NKAIN2: variants seen among roughly 807,000 people sequenced by gnomAD.
The protein encoded by NKAIN2 is sodium/potassium-transporting ATPase subunit beta-1-interacting protein 2.
Under a neutral mutation model 32.6 loss-of-function variants are expected in NKAIN2, and 14 were observed. The observed-to-expected ratio is 0.43, with a 90% confidence interval of 0.28 to 0.67. The LOEUF (loss-of-function observed/expected upper bound fraction) is 0.67. Ranked by LOEUF, NKAIN2 falls within the 30% of genes least tolerant of loss-of-function variation. The pLI is 0.17. For missense variants in NKAIN2, 198 were observed against 258.3 expected (o/e 0.77, Z 1.60); for synonymous variants, 80 against 87.2 (o/e 0.92, Z 0.46).
intron 1 of NKAIN2, among the ~76,000 whole-genome samples, chr6:124,120,431 A>T (rs73566063): frequency 0.046 from 7,063 of 152,224 alleles, 557 homozygotes; most frequent in African/African-American, 0.16. Context: ...ATTTATTGAA[A>T]ACTTATAGGC....
rs1778042747 is a variant in NKAIN2, at chr6:124,495,840, C to T, written c.273+140493C>T. 2.0e-5 allele frequency among the ~76,000 whole-genome samples: 3 copies of T among 152,216 alleles called. No individual in the cohort carries two copies. In the South Asian group the frequency reaches 6.2e-4, roughly 32 times the overall value. On this transcript the variant is annotated intron_variant, in intron 3 of 6. Transcript: ENST00000368417. ...AGGGGTAGAGCCAACCCATAGATGACTTCAGCAGTGACATTCTAGCACATT... is the reference window on the plus strand; with the variant it reads ...AGGGGTAGAGCCAACCCATAGATGATTTCAGCAGTGACATTCTAGCACATT...
At chr6:124,806,237 G>C (rs1011727133) in intron 5 of NKAIN2, among the ~76,000 whole-genome samples, 1 of 152,162 alleles carries the variant, frequency 6.6e-6, no homozygotes, top group African/African-American at 2.4e-5. Flanking sequence ...GGCAGCCAGA[G>C]AGAAAGATCG....
chr6:124,477,653 C>G (rs1383743803), intron 3 of NKAIN2, among the ~76,000 whole-genome samples: 1 of 148,704 alleles, frequency 6.7e-6, no homozygotes, highest in African/African-American at 2.5e-5. Context: ...CCTCCCACTT[C>G]CTCTTATCCT....
At chr6:124,658,841 C>T in intron 4 of NKAIN2, 1 of 188,344 alleles carries the variant, frequency 5.3e-6, no homozygotes, top group Non-Finnish European at 1.1e-5. Flanking sequence ...TCCTAGATTT[C>T]TCCCAGGCAC....
chr6:124,656,404 A>G (rs185358286), intron 3 of NKAIN2, among the ~76,000 whole-genome samples: 2 of 151,846 alleles, frequency 1.3e-5, no homozygotes, highest in Non-Finnish European at 2.9e-5. Flanking sequence ...GATCTTTACT[A>G]ACTAACCCCA....
At chr6:124,323,493 G>T (rs1368367278) in intron 2 of NKAIN2, among the ~76,000 whole-genome samples, 2 of 152,044 alleles carry the variant, frequency 1.3e-5, no homozygotes, top group Non-Finnish European at 2.9e-5. Flanking sequence ...TTAGGTCAAG[G>T]CTCATTTACT....
intron 1 of NKAIN2, among the ~76,000 whole-genome samples, chr6:124,001,188 A>T (rs1345402632): frequency 6.6e-6 from 1 of 151,778 alleles, no homozygotes; most frequent in African/African-American, 2.4e-5. Flanking sequence ...GAGTGACTTT[A>T]GTTTGTAAAC....
At chr6:124,135,216 G>GA (rs35216364) in intron 1 of NKAIN2, among the ~76,000 whole-genome samples, 361 of 148,978 alleles carry the variant, frequency 2.4e-3, no homozygotes, top group Non-Finnish European at 3.2e-3. Flanking sequence ...ATTACACAAT[G>GA]AAAAAAAAAA....
intron 1 of NKAIN2, among the ~76,000 whole-genome samples, chr6:124,071,701 G>A (rs1345753616): frequency 2.6e-5 from 4 of 152,042 alleles, no homozygotes; most frequent in Non-Finnish European, 5.9e-5. Context: ...AGATATACTA[G>A]CGGCCAACAA....
chr6:123,938,451 T>TACATACAC (rs1334527287), intron 1 of NKAIN2, among the ~76,000 whole-genome samples: 18 of 81,330 alleles, frequency 2.2e-4, no homozygotes, highest in African/African-American at 1.2e-3. Context: ...TATATATATA[T>TACATACAC]ACACACACAC....
At chr6:124,727,444 A>G (rs896744792) in intron 4 of NKAIN2, among the ~76,000 whole-genome samples, 1 of 150,258 alleles carries the variant, frequency 6.7e-6, no homozygotes, top group African/African-American at 2.4e-5. Flanking sequence ...AGAATTTCAT[A>G]TCCAGCCAAA....
intron 3 of NKAIN2, among the ~76,000 whole-genome samples, chr6:124,564,725 G>A (rs1291785519): frequency 6.6e-6 from 1 of 152,192 alleles, no homozygotes; most frequent in Non-Finnish European, 1.5e-5. Context: ...AGGGCAGGAG[G>A]CTGTAAAAGA....
At position 124,231,325 on chromosome 6, in the gene NKAIN2, T is replaced by A. The variant is rs567138578; in HGVS notation, c.55-51680T>A. Reference sequence around the variant, plus strand: ...GGCTCATAGGCGGAGGAAGGGACTTTCCTTGTCTCAGATAAGACTTTAGAC... The same window carrying A: ...GGCTCATAGGCGGAGGAAGGGACTTACCTTGTCTCAGATAAGACTTTAGAC... On this transcript the variant is annotated intron_variant, in intron 1 of 6. Transcript: ENST00000368417. Among the ~76,000 whole-genome samples the A allele has an allele frequency of 2.4e-4, 37 of 152,326 alleles. No individual in the cohort carries two copies. In the South Asian group the frequency reaches 6.8e-3, roughly 28 times the overall value.
At chr6:124,701,104 T>C (rs1445220853) in intron 4 of NKAIN2, among the ~76,000 whole-genome samples, 1 of 140,354 alleles carries the variant, frequency 7.1e-6, no homozygotes, top group African/African-American at 2.7e-5. Flanking sequence ...ATTTTTGGCA[T>C]AAAAATTCTA....
intron 1 of NKAIN2, among the ~76,000 whole-genome samples, chr6:123,842,337 G>A (rs1365295066): frequency 1.3e-5 from 2 of 152,116 alleles, no homozygotes; most frequent in African/African-American, 2.4e-5. Flanking sequence ...TTCCTGGCTT[G>A]TAGATGGGCA....
At chr6:124,394,668 A>C (rs912890937) in intron 3 of NKAIN2, among the ~76,000 whole-genome samples, 4 of 151,498 alleles carry the variant, frequency 2.6e-5, no homozygotes, top group African/African-American at 7.3e-5. Context: ...AAAAAAAAAA[A>C]CAGTGTCCCA....
At chr6:124,784,741 C>T (rs1779425611) in intron 4 of NKAIN2, among the ~76,000 whole-genome samples, 1 of 151,998 alleles carries the variant, frequency 6.6e-6, no homozygotes, top group Non-Finnish European at 1.5e-5. Flanking sequence ...GATAAAATTG[C>T]ACTCCTGTGT....
intron 1 of NKAIN2, among the ~76,000 whole-genome samples, chr6:123,812,067 T>C (rs543542464): frequency 7.5e-4 from 110 of 147,310 alleles, no homozygotes; most frequent in Non-Finnish European, 1.3e-3. Flanking sequence ...CCCTCAAGGG[T>C]CACAGTGCAT....
chr6:124,582,140 C>T (rs1384723030), intron 3 of NKAIN2, among the ~76,000 whole-genome samples: 1 of 151,150 alleles, frequency 6.6e-6, no homozygotes, highest in African/African-American at 2.4e-5. Context: ...GAGAAGAAAG[C>T]AAGGAAGATA....
Sources: allele counts gnomAD v4.1 joint callset (sites outside exome capture counted in the v4.1 genomes callset), GRCh38; gene constraint gnomAD v4.1.1; transcripts MANE v1.5; gene names NCBI Gene and HGNC (gene_info 2026-07-23, HGNC 2026-07-21).